The following PACSIN2 variants were observed in gnomAD, a reference collection of about 807,000 sequenced individuals.
PACSIN2 encodes the protein protein kinase C and casein kinase substrate in neurons 2.
In PACSIN2, 25 loss-of-function variants were observed where a neutral mutation model predicts 63.8. The observed-to-expected ratio is 0.39, with a 90% CI of 0.29 to 0.55. The LOEUF is 0.55. Ranked by LOEUF, PACSIN2 falls within the 20% of genes least tolerant of loss-of-function variation. The pLI is 0.62. For synonymous variants in PACSIN2, 255 were observed against 256.2 expected (o/e 1.00, Z 0.05); for missense variants, 518 against 646.9 (o/e 0.80, Z 2.16).
At chr22:42,885,454 G>A (rs770229984) in intron 5 of PACSIN2, among the ~76,000 whole-genome samples, 1 of 151,960 alleles carries the variant, frequency 6.6e-6, no homozygotes, top group Non-Finnish European at 1.5e-5. Flanking sequence ...GGGTAGTCAC[G>A]GGCTCCACTC....
At chr22:42,995,060 A>G (rs1393858671) in intron 1 of PACSIN2, among the ~76,000 whole-genome samples, 3 of 152,232 alleles carry the variant, frequency 2.0e-5, no homozygotes, top group Non-Finnish European at 2.9e-5. Context: ...ACATAGTCAA[A>G]GGGGACAATG....
chr22:42,982,164 G>A (rs1601601747), intron 1 of PACSIN2, among the ~76,000 whole-genome samples: 2 of 121,924 alleles, frequency 1.6e-5, no homozygotes, highest in African/African-American at 3.3e-5. Context: ...CCCTATCCAG[G>A]AGGTGAGGGG....
At chr22:42,952,637 G>A (rs536975167) in intron 1 of PACSIN2, among the ~76,000 whole-genome samples, 25 of 149,412 alleles carry the variant, frequency 1.7e-4, no homozygotes, top group East Asian at 1.6e-3. Flanking sequence ...GATTATAGAC[G>A]TTGAGCCACC....
chr22:42,871,050 T>C lies in PACSIN2; in HGVS notation c.*307A>G, dbSNP rs554247363. ...GGAACAAGATCAGTGTAACCCACCA[T>C]TGACTCGGAAAGGAGAGACAAAGTC... is the stretch of plus-strand genomic sequence containing the variant. On this transcript the variant is annotated 3_prime_UTR_variant, in exon 11 of 11. Transcript: ENST00000263246. The surrounding 1 kb of genome is among the most constrained non-coding windows in gnomAD (Gnocchi z 5.4). The C allele has an allele frequency of 3.9e-5, 15 of 385,556 alleles. No homozygotes were observed. Among genetic ancestry groups the C allele is most frequent in the Non-Finnish European group, 6.3e-5 (13 of 206,424 alleles). 23.9% of individuals were successfully genotyped at this position (385,556 alleles called of 1,614,324 possible). A position where few individuals can be genotyped will look rare whatever the true frequency, so the allele number is the denominator to read the frequency against.
At position 42,871,069 on chromosome 22, in the gene PACSIN2, C is replaced by T; in HGVS notation, c.*288G>A. 1 of 424,768 alleles carries T rather than the reference C, an allele frequency of 2.4e-6. No homozygotes were observed. Among genetic ancestry groups the T allele is most frequent in the South Asian group, 3.1e-5 (1 of 31,778 alleles). 26.3% of individuals were successfully genotyped at this position (424,768 alleles called of 1,614,324 possible). On this transcript the variant is annotated 3_prime_UTR_variant, in exon 11 of 11. Transcript: ENST00000263246. This position sits in a 1 kb window ranked among gnomAD's most constrained non-coding sequence, Gnocchi z 5.4. ...CCACCATTGACTCGGAAAGGAGAGACAAAGTCAAGAACATAGAGATCTATG... is the reference window on the plus strand; with the variant it reads ...CCACCATTGACTCGGAAAGGAGAGATAAAGTCAAGAACATAGAGATCTATG...
chr22:42,957,350 A>C (rs1933956839), intron 1 of PACSIN2, among the ~76,000 whole-genome samples: 1 of 152,236 alleles, frequency 6.6e-6, no homozygotes, highest in Non-Finnish European at 1.5e-5. Context: ...TGTTTCAGAA[A>C]TTCTTCAAGG....
intron 1 of PACSIN2, among the ~76,000 whole-genome samples, chr22:42,991,631 C>T (rs1437910172): frequency 6.6e-6 from 1 of 152,144 alleles, no homozygotes; most frequent in Non-Finnish European, 1.5e-5. Context: ...GCTGGGAACT[C>T]CCAGGTGCGA....
intron 1 of PACSIN2, among the ~76,000 whole-genome samples, chr22:42,928,397 C>T (rs1932671424): frequency 6.6e-6 from 1 of 152,236 alleles, no homozygotes; most frequent in African/African-American, 2.4e-5. Context: ...AACAAGACTT[C>T]AGTTGCTGTG....
intron 2 of PACSIN2, among the ~76,000 whole-genome samples, chr22:42,895,482 G>A (rs1460070189): frequency 6.6e-6 from 1 of 152,078 alleles, no homozygotes; most frequent in Non-Finnish European, 1.5e-5. Context: ...ATGTATTTTG[G>A]CTCTCTTGAA....
intron 1 of PACSIN2, among the ~76,000 whole-genome samples, chr22:42,925,783 T>TGG (rs1049909037): frequency 2.0e-5 from 3 of 152,194 alleles, no homozygotes; most frequent in Non-Finnish European, 2.9e-5. Flanking sequence ...CAACCACGGT[T>TGG]GGGGGCTGTG....
At chr22:42,959,939 A>C (rs537928312) in intron 1 of PACSIN2, 1 of 152,256 alleles carries the variant, frequency 6.6e-6, no homozygotes. Context: ...TGCCGAGATA[A>C]GGTCATTCCC....
At chr22:42,913,472 T>A (rs1601510016) in intron 1 of PACSIN2, among the ~76,000 whole-genome samples, 1 of 86,644 alleles carries the variant, frequency 1.2e-5, no homozygotes, top group Non-Finnish European at 2.1e-5. Flanking sequence ...AGAGCGAAAC[T>A]CCGTCTCCAA....
intron 6 of PACSIN2, 64 bp downstream of exon 6, chr22:42,884,322 T>G (rs1021293163): frequency 1.3e-6 from 2 of 1,483,554 alleles, no homozygotes; most frequent in Non-Finnish European, 1.8e-6. Context: ...GCATCTGAGT[T>G]TGCTTCAAAA....
intron 2 of PACSIN2, among the ~76,000 whole-genome samples, chr22:42,906,986 C>G (rs1039692923): frequency 1.3e-5 from 2 of 152,194 alleles, no homozygotes; most frequent in African/African-American, 4.8e-5. Context: ...CTGGAGAGCA[C>G]AGAGGAAGAC....
chr22:42,981,546 C>T (rs1186210852), intron 1 of PACSIN2, among the ~76,000 whole-genome samples: 7 of 110,144 alleles, frequency 6.4e-5, no homozygotes, highest in African/African-American at 1.1e-4. Flanking sequence ...CCCGCCCGGC[C>T]GGCCGCCCCG....
At chr22:42,948,670 A>G (rs2146821807) in intron 1 of PACSIN2, among the ~76,000 whole-genome samples, 1 of 152,234 alleles carries the variant, frequency 6.6e-6, no homozygotes, top group South Asian at 2.1e-4. Context: ...TTTAAGTACA[A>G]ACCATGAGAG....
chr22:42,909,465 C>T (rs1931303735), intron 2 of PACSIN2: 6 of 469,404 alleles, frequency 1.3e-5, no homozygotes, highest in South Asian at 9.3e-5. Context: ...ACCTGAGTCT[C>T]TCAGATCCCA....
intron 1 of PACSIN2, among the ~76,000 whole-genome samples, chr22:42,933,134 C>G (rs1932816788): frequency 6.6e-6 from 1 of 152,206 alleles, no homozygotes; most frequent in Non-Finnish European, 1.5e-5. Context: ...CTATTATTAT[C>G]TTTATGTGTC....
intron 1 of PACSIN2, among the ~76,000 whole-genome samples, chr22:42,929,799 A>G (rs1277086656): frequency 6.6e-6 from 1 of 152,162 alleles, no homozygotes; most frequent in African/African-American, 2.4e-5. Flanking sequence ...TTCTCCCTCA[A>G]ACAGCCTCCC....
Sources: allele counts gnomAD v4.1 joint callset (sites outside exome capture counted in the v4.1 genomes callset), GRCh38; gene constraint gnomAD v4.1.1; non-coding constraint Gnocchi (gnomAD v3.1); transcripts MANE v1.5; gene names NCBI Gene and HGNC (gene_info 2026-07-23, HGNC 2026-07-21).